The following CCDC87 variants were observed in gnomAD, a reference collection of about 807,000 sequenced individuals.
The protein encoded by CCDC87 is coiled-coil domain-containing protein 87.
For missense variants in CCDC87, 1,072 were observed against 1,041.7 expected, an observed-to-expected ratio of 1.03 and a Z score of -0.40; for synonymous variants, 434 against 440.2, an observed-to-expected ratio of 0.99 and a Z score of 0.18.
Position 66,591,145 on chromosome 11 carries a change from A to G in CCDC87, c.1871T>C (p.Ile624Thr), listed in dbSNP as rs1283025050. Residue 624 changes from isoleucine to threonine, a missense_variant, in exon 1 of 1, where the codon ATT becomes ACT. By Grantham distance (89) the Ile-to-Thr change is moderately conservative. Transcript: ENST00000333861. ...TAGGGACTCTCTGGCAGGGGCCACA[A>G]TCTCCACAGGAACCTCTTCTTCATG... ...QMHEEEVPVE[I>T]VAPARESLEI... 3 of 1,614,156 alleles carry G rather than the reference A, an allele frequency of 1.9e-6. No homozygotes were observed. Among genetic ancestry groups the G allele is most frequent in the Middle Eastern group, 1.6e-4 (1 of 6,062 alleles).
At position 66,590,240 on chromosome 11, in the gene CCDC87, G is replaced by A. The variant is rs941589907; in HGVS notation, c.*226C>T. On this transcript the variant is annotated 3_prime_UTR_variant, in exon 1 of 1. Coordinates refer to ENST00000333861, the MANE Select transcript of CCDC87 (RefSeq NM_018219.3). ...GACATAATGGGACTACTAGGCTTGG[G>A]GATTCTTTCATGAGAATTTCACTAA... 2 of 522,702 alleles carry A rather than the reference G, an allele frequency of 3.8e-6. No individual in the cohort carries two copies. The highest frequency in any genetic ancestry group is 6.7e-6 in the Non-Finnish European group (2 of 299,452). 32.4% of individuals were successfully genotyped at this position (522,702 alleles called of 1,614,324 possible).
chr11:66,591,970 G>A lies in CCDC87; in HGVS notation c.1046C>T (p.Thr349Ile), dbSNP rs1194999825. 2 of 1,613,946 alleles carry A rather than the reference G, an allele frequency of 1.2e-6. No homozygotes were observed. The highest frequency in any genetic ancestry group is 2.2e-5 in the South Asian group (2 of 91,086). ...CAGATCCTCAGCCACGATGAGCCCAGTCAGCTCTGGTTTGCTCTCTGTAGC... is the reference window on the plus strand; with the variant it reads ...CAGATCCTCAGCCACGATGAGCCCAATCAGCTCTGGTTTGCTCTCTGTAGC... ...VLATESKPEL[T>I]GLIVAEDLKQ... is the part of the protein sequence containing the mutation. The change falls in exon 1 of 1, where the codon ACT becomes ATT. Residue 349 changes from threonine to isoleucine, a missense_variant. Thr to Ile is a moderately conservative substitution (Grantham distance 89). Coordinates refer to ENST00000333861, the MANE Select transcript of CCDC87 (RefSeq NM_018219.3).
Position 66,591,710 on chromosome 11 carries a change from T to C in CCDC87, c.1306A>G (p.Arg436Gly). 6.2e-7 allele frequency: 1 copy of C among 1,613,716 alleles called. No individual in the cohort carries two copies. The highest frequency in any genetic ancestry group is 8.5e-7 in the Non-Finnish European group (1 of 1,179,984). The change falls in exon 1 of 1, where the codon AGA (arginine) becomes GGA (glycine). Residue 436 changes from arginine to glycine, a missense_variant. Physicochemically the swap from Arg to Gly is moderately radical, Grantham distance 125. Coordinates refer to ENST00000333861, the MANE Select transcript of CCDC87 (RefSeq NM_018219.3). ...GCCGCCTGGACCACGACCTCATTTC[T>C]AAGCTTCAAAGTAATGGTCACTGGC... is the stretch of plus-strand genomic sequence containing the variant. Reference protein sequence around the residue: ...PQPVTITLKLRNEVVVQAAAV... With the variant: ...PQPVTITLKLGNEVVVQAAAV...
In CCDC87 at chr11:66,592,073, G is replaced by A; in HGVS notation, c.943C>T (p.Leu315=). 1 of 1,608,532 alleles carries A rather than the reference G, an allele frequency of 6.2e-7. No individual in the cohort carries two copies. Reference sequence around the variant, plus strand: ...TCTGCCAGCCTCCAGCCCTCACGCAGGGAGGGCATGGATTGGCCTCTCCGG... The same window carrying A: ...TCTGCCAGCCTCCAGCCCTCACGCAAGGAGGGCATGGATTGGCCTCTCCGG... ...ELRRGQSMPS[L]REGWRLADEL... Residue 315 remains leucine, a synonymous_variant, in exon 1 of 1, where the codon CTG becomes TTG. Coordinates refer to ENST00000333861, the MANE Select transcript of CCDC87 (RefSeq NM_018219.3).
Position 66,592,955 on chromosome 11 carries a change from G to T in CCDC87, c.61C>A (p.Pro21Thr). Residue 21 changes from proline (P) to threonine (T), a missense_variant, in exon 1 of 1, where the codon CCG (proline) becomes ACG (threonine). Physicochemically the swap from Pro to Thr is conservative, Grantham distance 38 (BLOSUM62 -1). Transcript: ENST00000333861. The part of the protein sequence containing the change: ...LQRFYHRLLR[P>T]LSLFPTRTTS... ...GTCCTAGTGGGGAAGAGCGACAGCG[G>T]ACGCAGCAGCCGGTGGTAAAACCGC... 6.6e-7 allele frequency: 1 copy of T among 1,518,124 alleles called. No individual in the cohort carries two copies. The highest frequency in any genetic ancestry group is 8.8e-7 in the Non-Finnish European group (1 of 1,135,878). The allele number at this position is 1,518,124 out of a possible 1,614,324, so 94.0% of individuals were successfully genotyped here.
In CCDC87 at chr11:66,591,048, G is replaced by C. The variant is rs565204982; in HGVS notation, c.1968C>G (p.Asn656Lys). The C allele has an allele frequency of 3.1e-6, 5 of 1,614,006 alleles. No homozygotes were observed. The highest frequency in any genetic ancestry group is 4.2e-6 in the Non-Finnish European group (5 of 1,180,052). Reference sequence around the variant, plus strand: ...CTCCTAGCCTGTGCTCTAGCACAGTGTTCCAATCCCACTCTCCTGGCACAA... The same window carrying C: ...CTCCTAGCCTGTGCTCTAGCACAGTCTTCCAATCCCACTCTCCTGGCACAA... Reference protein sequence around the residue: ...PDFVPGEWDWNTVLEHRLGAG... With the variant: ...PDFVPGEWDWKTVLEHRLGAG... Residue 656 changes from asparagine to lysine, a missense_variant, in exon 1 of 1, where the codon AAC (asparagine) becomes AAG (lysine). Asn to Lys is a moderately conservative substitution (Grantham distance 94). Coordinates refer to ENST00000333861, the MANE Select transcript of CCDC87 (RefSeq NM_018219.3).
rs771342455 is a variant in CCDC87 at position 66,592,515 on chromosome 11, A to G, written c.501T>C (p.Thr167=). ...GCAGGCCACGGTAGACGTTGGGACTAGTAAGGAAGAGTGTGCAGTCCCTGG... is the reference window on the plus strand; with the variant it reads ...GCAGGCCACGGTAGACGTTGGGACTGGTAAGGAAGAGTGTGCAGTCCCTGG... The part of the protein sequence containing the change: ...SLARDCTLFL[T]SPNVYRGLLA... The change falls in exon 1 of 1, where the codon ACT becomes ACC. Residue 167 remains threonine, a synonymous_variant. Coordinates refer to ENST00000333861, the MANE Select transcript of CCDC87 (RefSeq NM_018219.3). The G allele has an allele frequency of 1.2e-6, 2 of 1,613,474 alleles. No individual in the cohort carries two copies. The highest frequency in any genetic ancestry group is 8.5e-7 in the Non-Finnish European group (1 of 1,180,016).
chr11:66,591,949 T>A lies in CCDC87; in HGVS notation c.1067A>T (p.Asp356Val). Residue 356 changes from aspartate to valine, a missense_variant, in exon 1 of 1, where the codon GAT (aspartate) becomes GTT (valine). Physicochemically the swap from Asp to Val is radical, Grantham distance 152. Coordinates refer to ENST00000333861, the MANE Select transcript of CCDC87 (RefSeq NM_018219.3). ...PELTGLIVAEDLKQLIKKMKL... is the reference protein window; with the variant it reads ...PELTGLIVAEVLKQLIKKMKL... ...CATCTTCTTTATCAACTGCTTCAGA[T>A]CCTCAGCCACGATGAGCCCAGTCAG... 1 of 1,613,874 alleles carries A rather than the reference T, an allele frequency of 6.2e-7. No homozygotes were observed. Among genetic ancestry groups the A allele is most frequent in the Non-Finnish European group, 8.5e-7 (1 of 1,180,030 alleles).
Position 66,592,664 on chromosome 11 carries a change from C to A in CCDC87, c.352G>T (p.Ala118Ser). ...TGCTCGCTGCTCAGCAGCACGTAGGCCTCGAGCCGCTTCCGCAGCTTCTGG... is the reference window on the plus strand; with the variant it reads ...TGCTCGCTGCTCAGCAGCACGTAGGACTCGAGCCGCTTCCGCAGCTTCTGG... ...NNQKLRKRLE[A>S]YVLLSSEQLF... Residue 118 changes from alanine (A) to serine (S), a missense_variant, in exon 1 of 1, where the codon GCC (alanine) becomes TCC (serine). Physicochemically the swap from Ala to Ser is moderately conservative, Grantham distance 99. Transcript: ENST00000333861. The A allele has an allele frequency of 6.2e-7, 1 of 1,613,836 alleles. No individual in the cohort carries two copies. Among genetic ancestry groups the A allele is most frequent in the African/African-American group, 1.3e-5 (1 of 75,072 alleles).
chr11:66,591,011 GTGT>G lies in CCDC87; in HGVS notation c.2002_2004del (p.Thr668del), dbSNP rs1565319524. ...ATTTTGTGGGGTTCTCCCAGGTGGG[GTGT>G]CTTCCCAGCTCCTAGCCTGTGCTCT... On this transcript the variant is annotated inframe_deletion, in exon 1 of 1. Coordinates refer to ENST00000333861, the MANE Select transcript of CCDC87 (RefSeq NM_018219.3). 1 of 1,614,000 alleles carries G rather than the reference GTGT, an allele frequency of 6.2e-7. No individual in the cohort carries two copies. Among genetic ancestry groups the G allele is most frequent in the Non-Finnish European group, 8.5e-7 (1 of 1,180,040 alleles).
rs777116559 is a variant in CCDC87, at chr11:66,592,941, G to A, written c.75C>T (p.Phe25=). Reference sequence around the variant, plus strand: ...GCTCTGGGGACGTCGTCCTAGTGGGGAAGAGCGACAGCGGACGCAGCAGCC... The same window carrying A: ...GCTCTGGGGACGTCGTCCTAGTGGGAAAGAGCGACAGCGGACGCAGCAGCC... ...YHRLLRPLSL[F]PTRTTSPEPQ... Residue 25 remains phenylalanine, a synonymous_variant, in exon 1 of 1, where the codon TTC becomes TTT. Coordinates refer to ENST00000333861, the MANE Select transcript of CCDC87 (RefSeq NM_018219.3). 2 of 1,519,200 alleles carry A rather than the reference G, an allele frequency of 1.3e-6. No homozygotes were observed. The highest frequency in any genetic ancestry group is 1.3e-5 in the South Asian group (1 of 75,726). The allele number at this position is 1,519,200 out of a possible 1,614,324, so 94.1% of individuals were successfully genotyped here. A position where few individuals can be genotyped will look rare whatever the true frequency, so the allele number is the denominator to read the frequency against.
In CCDC87 at chr11:66,591,709, C is replaced by T. The variant is rs745708026; in HGVS notation, c.1307G>A (p.Arg436Lys). The T allele has an allele frequency of 2.5e-6, 4 of 1,613,678 alleles. No homozygotes were observed. Among genetic ancestry groups the T allele is most frequent in the Non-Finnish European group, 3.4e-6 (4 of 1,179,982 alleles). The change falls in exon 1 of 1, where the codon AGA becomes AAA. Residue 436 changes from arginine (R) to lysine (K), a missense_variant. Arg to Lys is a conservative substitution (Grantham distance 26). Coordinates refer to ENST00000333861, the MANE Select transcript of CCDC87 (RefSeq NM_018219.3). Reference sequence around the variant, plus strand: ...AGCCGCCTGGACCACGACCTCATTTCTAAGCTTCAAAGTAATGGTCACTGG... The same window carrying T: ...AGCCGCCTGGACCACGACCTCATTTTTAAGCTTCAAAGTAATGGTCACTGG... ...PQPVTITLKL[R>K]NEVVVQAAAV...
rs1176127547 is a variant in CCDC87, at chr11:66,592,166, C to T, written c.850G>A (p.Val284Met). 5 of 1,590,394 alleles carry T rather than the reference C, an allele frequency of 3.1e-6. No individual in the cohort carries two copies. The East Asian group carries it at 1.1e-4, about 36-fold the overall frequency. ...REIDISSSQM[V>M]SLPSYPVAPT... Reference sequence around the variant, plus strand: ...GCCACAGGATAGCTGGGCAGCGACACCATCTGTGAGGAACTGATGTCGATT... The same window carrying T: ...GCCACAGGATAGCTGGGCAGCGACATCATCTGTGAGGAACTGATGTCGATT... The change falls in exon 1 of 1, where the codon GTG becomes ATG. Residue 284 changes from valine to methionine, a missense_variant. Val to Met is a conservative substitution (Grantham distance 21). Transcript: ENST00000333861.
Position 66,590,482 on chromosome 11 carries a change from G to A in CCDC87, c.2534C>T (p.Ser845Leu), listed in dbSNP as rs969772359. Reference protein sequence around the residue: ...DPHQSTLFRSSAASL With the variant: ...DPHQSTLFRSLAASL Reference sequence around the variant, plus strand: ...CAGGAGCTACTAAAGGCTGGCTGCTGAGCTCCTGAACAGGGTTGACTGGTG... The same window carrying A: ...CAGGAGCTACTAAAGGCTGGCTGCTAAGCTCCTGAACAGGGTTGACTGGTG... Residue 845 changes from serine to leucine, a missense_variant, in exon 1 of 1, where the codon TCA (serine) becomes TTA (leucine). Ser to Leu is a moderately radical substitution (Grantham distance 145). Transcript: ENST00000333861. The A allele has an allele frequency of 1.2e-6, 2 of 1,610,008 alleles. No individual in the cohort carries two copies. The highest frequency in any genetic ancestry group is 1.7e-6 in the Non-Finnish European group (2 of 1,177,948).
Position 66,590,493 on chromosome 11 carries a change from C to T in CCDC87, c.2523G>A (p.Leu841=), listed in dbSNP as rs148028955. The T allele has an allele frequency of 1.9e-6, 3 of 1,612,542 alleles. No individual in the cohort carries two copies. Among genetic ancestry groups the T allele is most frequent in the East Asian group, 2.2e-5 (1 of 44,888 alleles). The change falls in exon 1 of 1, where the codon CTG becomes CTA. Residue 841 remains leucine (L), a synonymous_variant. Coordinates refer to ENST00000333861, the MANE Select transcript of CCDC87 (RefSeq NM_018219.3). ...SALKDPHQST[L]FRSSAASL is the part of the protein sequence containing the mutation. Reference sequence around the variant, plus strand: ...AAAGGCTGGCTGCTGAGCTCCTGAACAGGGTTGACTGGTGGGGATCCTTCA... The same window carrying T: ...AAAGGCTGGCTGCTGAGCTCCTGAATAGGGTTGACTGGTGGGGATCCTTCA...
Position 66,592,032 on chromosome 11 carries a change from AG to A in CCDC87, c.983del (p.Pro328LeufsTer8), listed in dbSNP as rs1341001659. The A allele has an allele frequency of 1.9e-6, 3 of 1,613,580 alleles. No individual in the cohort carries two copies. The highest frequency in any genetic ancestry group is 2.5e-6 in the Non-Finnish European group (3 of 1,179,910). On this transcript the variant is annotated frameshift_variant, in exon 1 of 1. Coordinates refer to ENST00000333861, the MANE Select transcript of CCDC87 (RefSeq NM_018219.3). LOFTEE classifies it low-confidence loss of function (END_TRUNC). ...GGGTTAAGGGGCGAGATGGGAGTGG[AG>A]GAAGGCCCAACTCATCTGCCAGCCT... Reference protein sequence around the residue: ...GWRLADELGLPPLPSRPLTPL... With the variant: ...GWRLADELGLXPLPSRPLTPL...
chr11:66,592,870 G>A lies in CCDC87; in HGVS notation c.146C>T (p.Pro49Leu), dbSNP rs1041915209. The A allele has an allele frequency of 2.6e-6, 4 of 1,565,742 alleles. No homozygotes were observed. The highest frequency in any genetic ancestry group is 2.7e-5 in the African/African-American group (2 of 73,392). ...CGACGCCACCGTCAGCTTCGCCAGAGGGAAGGACTGCAGAATCCGGCCCTC... is the reference window on the plus strand; with the variant it reads ...CGACGCCACCGTCAGCTTCGCCAGAAGGAAGGACTGCAGAATCCGGCCCTC... ...PQEGRILQSF[P>L]LAKLTVASLC... Residue 49 changes from proline to leucine, a missense_variant, in exon 1 of 1, where the codon CCT becomes CTT. Coordinates refer to ENST00000333861, the MANE Select transcript of CCDC87 (RefSeq NM_018219.3).
rs150586890 is a variant in CCDC87 at position 66,590,625 on chromosome 11, T to G, written c.2391A>C (p.Pro797=). The stretch of plus-strand genomic sequence containing the variant: ...GGTAGGGCCGCCCCTTGAAGATCAC[T>G]GGCTCGCCAAAGATTAACTCTATCT... The part of the protein sequence containing the change: ...LEEIELIFGE[P]VIFKGRPYLD... The change falls in exon 1 of 1, where the codon CCA becomes CCC. Residue 797 remains proline (P), a synonymous_variant. Transcript: ENST00000333861. The G allele has an allele frequency of 7.4e-6, 12 of 1,614,118 alleles. No homozygotes were observed. In the African/African-American group the frequency reaches 1.6e-4, roughly 22 times the overall value.
Position 66,593,038 on chromosome 11 carries a change from C to T in CCDC87, c.-23G>A. On this transcript the variant is annotated 5_prime_UTR_variant, in exon 1 of 1. Coordinates refer to ENST00000333861, the MANE Select transcript of CCDC87 (RefSeq NM_018219.3). ...CATAGAGCCGGCGGCCGCCACCGTC[C>T]AGGAACAGAAAGCCGAGGGGTTACT... The T allele has an allele frequency of 2.0e-6, 3 of 1,507,502 alleles. No individual in the cohort carries two copies. The highest frequency in any genetic ancestry group is 2.7e-6 in the Non-Finnish European group (3 of 1,130,740). 93.4% of individuals were successfully genotyped at this position (1,507,502 alleles called of 1,614,324 possible). A position where few individuals can be genotyped will look rare whatever the true frequency, so the allele number is the denominator to read the frequency against.
Sources: allele counts gnomAD v4.1 joint callset, GRCh38; gene constraint gnomAD v4.1.1; transcripts MANE v1.5; gene names NCBI Gene and HGNC (gene_info 2026-07-23, HGNC 2026-07-21).